NKAIN2: variants seen among roughly 807,000 people sequenced by gnomAD.
The protein encoded by NKAIN2 is sodium/potassium-transporting ATPase subunit beta-1-interacting protein 2.
In NKAIN2, 14 loss-of-function variants were observed where a neutral mutation model predicts 32.6. The observed-to-expected ratio is 0.43, with a 90% CI of 0.28 to 0.67. The LOEUF (loss-of-function observed/expected upper bound fraction) is 0.67. NKAIN2 is among the 30% of genes least tolerant of loss of function. NKAIN2 has a pLI of 0.17. For missense variants in NKAIN2, 198 were observed against 258.3 expected, an observed-to-expected ratio of 0.77 and a Z score of 1.60; for synonymous variants, 80 against 87.2, an observed-to-expected ratio of 0.92 and a Z score of 0.46.
intron 1 of NKAIN2, among the ~76,000 whole-genome samples, chr6:123,868,471 T>A (rs1272697376): frequency 6.6e-6 from 1 of 152,222 alleles, no homozygotes; most frequent in Non-Finnish European, 1.5e-5. Flanking sequence ...CTTGTGGTAT[T>A]TTTCTGAATG....
intron 1 of NKAIN2, among the ~76,000 whole-genome samples, chr6:123,862,206 A>G (rs1775811802): frequency 6.6e-6 from 1 of 152,186 alleles, no homozygotes; most frequent in Non-Finnish European, 1.5e-5. Flanking sequence ...GCCAGAAAAT[A>G]TATGAAGCAT....
intron 4 of NKAIN2, among the ~76,000 whole-genome samples, chr6:124,757,964 A>T (rs577219920): frequency 1.4e-4 from 21 of 152,170 alleles, no homozygotes; most frequent in Non-Finnish European, 2.6e-4. Context: ...CTCTTTATTG[A>T]GGGAAGATAG....
At chr6:124,214,263 A>G (rs1791344144) in intron 1 of NKAIN2, among the ~76,000 whole-genome samples, 1 of 152,198 alleles carries the variant, frequency 6.6e-6, no homozygotes, top group Non-Finnish European at 1.5e-5. Flanking sequence ...AGATGTAAAG[A>G]TGTAAAGAAT....
chr6:124,221,449 T>A lies in NKAIN2; in HGVS notation c.55-61556T>A, dbSNP rs944261348. 4.0e-5 allele frequency among the ~76,000 whole-genome samples: 6 copies of A among 150,950 alleles called. No homozygotes were observed. In the East Asian group the frequency reaches 5.9e-4, roughly 15 times the overall value. Reference sequence around the variant, plus strand: ...GAGGGATAGCATTGGGAGATATACCTAATGCTAGATGACAAGTTAGTGGGT... The same window carrying A: ...GAGGGATAGCATTGGGAGATATACCAAATGCTAGATGACAAGTTAGTGGGT... On this transcript the variant is annotated intron_variant, in intron 1 of 6. Transcript: ENST00000368417.
At chr6:124,053,193 A>G (rs1048404536) in intron 1 of NKAIN2, among the ~76,000 whole-genome samples, 3 of 152,024 alleles carry the variant, frequency 2.0e-5, no homozygotes, top group South Asian at 2.1e-4. Context: ...TTCATCACCC[A>G]GGTATTCAGC....
chr6:124,254,203 C>T (rs1336600494), intron 1 of NKAIN2, among the ~76,000 whole-genome samples: 2 of 152,146 alleles, frequency 1.3e-5, no homozygotes, highest in South Asian at 2.1e-4. Context: ...CCGCCTGCCT[C>T]GGCCTCCCAA....
chr6:124,301,851 G>A (rs1304503612), intron 2 of NKAIN2, among the ~76,000 whole-genome samples: 3 of 152,168 alleles, frequency 2.0e-5, no homozygotes, highest in African/African-American at 7.2e-5. Context: ...TAGGCAGAAG[G>A]GACTTGCATT....
chr6:124,727,536 C>G (rs1365546154), intron 4 of NKAIN2, among the ~76,000 whole-genome samples: 1 of 151,568 alleles, frequency 6.6e-6, no homozygotes, highest in Non-Finnish European at 1.5e-5. Flanking sequence ...CAGGCCTGCC[C>G]TAAAAGAGCT....
intron 3 of NKAIN2, among the ~76,000 whole-genome samples, chr6:124,492,009 A>C (rs7747075): frequency 6.6e-6 from 1 of 151,976 alleles, no homozygotes; most frequent in Non-Finnish European, 1.5e-5. Context: ...ATTGAAGCCA[A>C]TGACAATGGT....
At chr6:124,810,140 C>T (rs966908518) in intron 5 of NKAIN2, among the ~76,000 whole-genome samples, 10 of 152,042 alleles carry the variant, frequency 6.6e-5, no homozygotes, top group African/African-American at 2.2e-4. Flanking sequence ...TGGGTATGTA[C>T]CCAAAGGACT....
chr6:124,047,012 AGCT>A (rs1392414475), intron 1 of NKAIN2, among the ~76,000 whole-genome samples: 2 of 152,038 alleles, frequency 1.3e-5, no homozygotes, highest in Non-Finnish European at 2.9e-5. Flanking sequence ...TTTTGTAGAA[AGCT>A]CATTCAGCAT....
chr6:124,723,204 A>G (rs1189610560), intron 4 of NKAIN2, among the ~76,000 whole-genome samples: 1 of 152,232 alleles, frequency 6.6e-6, no homozygotes, highest in Non-Finnish European at 1.5e-5. Flanking sequence ...TACATAAACT[A>G]AGATTATGTA....
intron 2 of NKAIN2, among the ~76,000 whole-genome samples, chr6:124,296,172 A>T (rs1230296924): frequency 1.3e-5 from 2 of 152,060 alleles, no homozygotes; most frequent in Admixed American, 1.3e-4. Context: ...CTCAGCTTTC[A>T]CTTCTCCTTG....
Position 124,111,416 on chromosome 6 carries a change from C to A in NKAIN2, c.55-171589C>A, listed in dbSNP as rs77518405. Among the ~76,000 whole-genome samples, 76 of 151,948 alleles carry A rather than the reference C, an allele frequency of 5.0e-4. No individual in the cohort carries two copies. In the East Asian group the frequency reaches 0.013, roughly 26 times the overall value. ...AGTGCATATATATGTTTATCATGGCCCTATCTTCTTGACGCATTGACCCTT... is the reference window on the plus strand; with the variant it reads ...AGTGCATATATATGTTTATCATGGCACTATCTTCTTGACGCATTGACCCTT... On this transcript the variant is annotated intron_variant, in intron 1 of 6. Coordinates refer to ENST00000368417, the MANE Select transcript of NKAIN2 (RefSeq NM_001040214.3).
chr6:124,586,845 T>C (rs987659323), intron 3 of NKAIN2, among the ~76,000 whole-genome samples: 2 of 152,300 alleles, frequency 1.3e-5, no homozygotes, highest in Admixed American at 1.3e-4. Flanking sequence ...GGAACATTAC[T>C]CAGAAATAAA....
intron 2 of NKAIN2, among the ~76,000 whole-genome samples, chr6:124,341,326 G>GA (rs1562499628): frequency 6.6e-6 from 1 of 151,858 alleles, no homozygotes; most frequent in African/African-American, 2.4e-5. Flanking sequence ...TTAATCAACT[G>GA]AAAAAAATCA....
intron 1 of NKAIN2, among the ~76,000 whole-genome samples, chr6:123,938,633 A>T (rs1229760410): frequency 7.3e-6 from 1 of 136,328 alleles, no homozygotes; most frequent in South Asian, 2.2e-4. Flanking sequence ...TATTTTATAT[A>T]TTATATATAA....
At chr6:124,014,641 C>A (rs1780483607) in intron 1 of NKAIN2, among the ~76,000 whole-genome samples, 1 of 151,398 alleles carries the variant, frequency 6.6e-6, no homozygotes, top group African/African-American at 2.4e-5. Context: ...TTTCTTTTTA[C>A]CTAATTAAAA....
At chr6:124,774,833 G>A (rs1381816626) in intron 4 of NKAIN2, among the ~76,000 whole-genome samples, 1 of 145,426 alleles carries the variant, frequency 6.9e-6, no homozygotes, top group African/African-American at 2.6e-5. Context: ...TCCAGCATGG[G>A]CTAGAAGAGC....
Sources: allele counts gnomAD v4.1 joint callset (sites outside exome capture counted in the v4.1 genomes callset), GRCh38; gene constraint gnomAD v4.1.1; transcripts MANE v1.5; gene names NCBI Gene and HGNC (gene_info 2026-07-23, HGNC 2026-07-21).